PCDH15: variants seen among roughly 807,000 people sequenced by gnomAD.
The protein encoded by PCDH15 is protocadherin related 15, also known as protocadherin-15.
Under a neutral mutation model 178.5 loss-of-function variants are expected in PCDH15, and 129 were observed. The ratio of observed to expected loss-of-function variants is 0.72; its 90% CI spans 0.63 to 0.84. PCDH15 has a LOEUF of 0.84. PCDH15 is among the 40% of genes least tolerant of loss of function. The pLI is 0.00. For missense variants in PCDH15, 2,230 were observed against 2,099.9 expected (o/e 1.06, Z -1.21); for synonymous variants, 800 against 732.0 (o/e 1.09, Z -1.50).
At chr10:54,894,879 A>G (rs1412032714) in intron 3 of PCDH15, among the ~76,000 whole-genome samples, 1 of 152,164 alleles carries the variant, frequency 6.6e-6, no homozygotes, top group Non-Finnish European at 1.5e-5. Context: ...GATTAAAAGA[A>G]CTGAATACCA....
intron 1 of PCDH15, among the ~76,000 whole-genome samples, chr10:55,308,468 T>G (rs533041616): frequency 7.0e-4 from 106 of 152,310 alleles, no homozygotes; most frequent in Non-Finnish European, 1.1e-3. Flanking sequence ...GAGCATGGTG[T>G]CTGTTGTTAA....
chr10:54,886,064 G>T (rs959437756), intron 3 of PCDH15, among the ~76,000 whole-genome samples: 23 of 145,144 alleles, frequency 1.6e-4, no homozygotes, highest in Admixed American at 1.4e-3. Context: ...TTAATAAGAA[G>T]CTATTTTCAG....
At chr10:54,673,127 T>A (rs2094707817) in intron 1 of PCDH15, among the ~76,000 whole-genome samples, 1 of 152,098 alleles carries the variant, frequency 6.6e-6, no homozygotes, top group African/African-American at 2.4e-5. Flanking sequence ...AATGTGTAGG[T>A]TTGTTACGTG....
chr10:54,583,268 G>T (rs1411050588), intron 2 of PCDH15, among the ~76,000 whole-genome samples: 1 of 151,908 alleles, frequency 6.6e-6, no homozygotes, highest in Non-Finnish European at 1.5e-5. Flanking sequence ...TTAATCCAAT[G>T]GCTATAAAAT....
intron 2 of PCDH15, among the ~76,000 whole-genome samples, chr10:55,475,434 A>AGGATAGT (rs1237607165): frequency 2.0e-5 from 3 of 152,284 alleles, no homozygotes; most frequent in African/African-American, 7.2e-5. Flanking sequence ...ACATTATTTG[A>AGGATAGT]GGAAAACATT....
At chr10:55,611,388 T>C (rs1843361454) in intron 2 of PCDH15, among the ~76,000 whole-genome samples, 1 of 151,966 alleles carries the variant, frequency 6.6e-6, no homozygotes, top group African/African-American at 2.4e-5. Flanking sequence ...GACATACAAA[T>C]GGCCAGTAGA....
chr10:54,733,581 T>C lies in PCDH15; in HGVS notation c.-29+67344A>G, dbSNP rs546542715. ...TTCCAATTGAATTCTTAGCAGGATA[T>C]TTTTAGATACCAAAAAACTGATTAT... On this transcript the variant is annotated intron_variant, in intron 1 of 37. Coordinates refer to ENST00000644397, the MANE Select transcript of PCDH15 (RefSeq NM_001384140.1). 2.0e-5 allele frequency among the ~76,000 whole-genome samples: 3 copies of C among 151,702 alleles called. No homozygotes were observed. In the Admixed American group the frequency reaches 2.0e-4, roughly 10 times the overall value.
chr10:55,527,000 T>A (rs1372018796), intron 2 of PCDH15, among the ~76,000 whole-genome samples: 1 of 152,060 alleles, frequency 6.6e-6, no homozygotes, highest in Non-Finnish European at 1.5e-5. Context: ...AGAGCTACTG[T>A]CCCTGGCAAG....
chr10:55,027,820 T>G (rs1840513450), intron 2 of PCDH15, among the ~76,000 whole-genome samples: 1 of 151,922 alleles, frequency 6.6e-6, no homozygotes, highest in African/African-American at 2.4e-5. Flanking sequence ...GCTGAGGTAG[T>G]ATAATTTTTT....
intron 25 of PCDH15, among the ~76,000 whole-genome samples, chr10:53,929,207 AC>A (rs1239350974): frequency 6.6e-6 from 1 of 152,110 alleles, no homozygotes; most frequent in Non-Finnish European, 1.5e-5. Context: ...AATAGTGTAT[AC>A]CATGTTTCAA....
At chr10:54,118,646 T>G (rs1380625566) in intron 15 of PCDH15, among the ~76,000 whole-genome samples, 2 of 151,390 alleles carry the variant, frequency 1.3e-5, no homozygotes, top group Admixed American at 6.6e-5. Context: ...GGCAACAGAG[T>G]GAGACTCTGT....
intron 1 of PCDH15, among the ~76,000 whole-genome samples, chr10:54,796,685 C>T (rs1158172677): frequency 6.6e-6 from 1 of 151,668 alleles, no homozygotes; most frequent in Non-Finnish European, 1.5e-5. Context: ...TTATGTTTTT[C>T]CCTGTGAGTC....
intron 26 of PCDH15, 85 bp from the exon 27 acceptor site, chr10:53,866,942 T>A: frequency 1.1e-6 from 1 of 942,366 alleles, no homozygotes; most frequent in Admixed American, 1.8e-5. Context: ...TTTGTAAGAA[T>A]GAGGTTTCTT....
At chr10:55,080,995 T>G (rs565684697) in intron 2 of PCDH15, among the ~76,000 whole-genome samples, 1 of 152,056 alleles carries the variant, frequency 6.6e-6, no homozygotes, top group East Asian at 1.9e-4. Flanking sequence ...CTGCTGGGGG[T>G]GGGGTCACTT....
chr10:53,874,671 C>T (rs1242285421), intron 26 of PCDH15, among the ~76,000 whole-genome samples: 5 of 151,680 alleles, frequency 3.3e-5, no homozygotes, highest in African/African-American at 1.2e-4. Flanking sequence ...AAATAAAGTT[C>T]CAAGAAAGAT....
intron 2 of PCDH15, among the ~76,000 whole-genome samples, chr10:55,408,332 C>A (rs1209438438): frequency 1.3e-5 from 2 of 151,814 alleles, no homozygotes; most frequent in Non-Finnish European, 2.9e-5. Flanking sequence ...ACTACAGGCA[C>A]CTGCCACCAC....
chr10:53,875,558 G>A (rs967823178), intron 26 of PCDH15, among the ~76,000 whole-genome samples: 9 of 151,844 alleles, frequency 5.9e-5, no homozygotes, highest in East Asian at 1.9e-4. Flanking sequence ...TCTGGGAGAG[G>A]TGACTCTGGA....
chr10:54,363,380 A>G (rs17654584), intron 5 of PCDH15, among the ~76,000 whole-genome samples: 18,467 of 152,056 alleles, frequency 0.12, 1,198 homozygotes, highest in Middle Eastern at 0.2. Context: ...TCTTCATTGA[A>G]CCTTGTGAGG....
At chr10:55,422,511 T>C (rs1454371851) in intron 2 of PCDH15, among the ~76,000 whole-genome samples, 3 of 151,854 alleles carry the variant, frequency 2.0e-5, no homozygotes, top group African/African-American at 7.2e-5. Context: ...CTCTGGGATA[T>C]AAATTGTAGG....
Sources: allele counts gnomAD v4.1 joint callset (sites outside exome capture counted in the v4.1 genomes callset), GRCh38; gene constraint gnomAD v4.1.1; transcripts MANE v1.5; gene names NCBI Gene and HGNC (gene_info 2026-07-23, HGNC 2026-07-21).